Variants in ROBO1 observed in about 807,000 individuals in gnomAD.
ROBO1 encodes roundabout homolog 1.
ROBO1 carries 149 observed loss-of-function variants against 195.9 expected under a neutral mutation model. That is an observed-to-expected ratio of 0.76 (90% CI 0.67 to 0.87). The LOEUF (loss-of-function observed/expected upper bound fraction) is 0.87. Ranked by LOEUF, ROBO1 falls within the 40% of genes least tolerant of loss-of-function variation. The pLI is 0.00. For synonymous variants in ROBO1, 816 were observed against 733.2 expected, an observed-to-expected ratio of 1.11 and a Z score of -1.82; for missense variants, 1,933 against 2,068.3, an observed-to-expected ratio of 0.93 and a Z score of 1.27.
At chr3:78,663,136 C>T (rs181344708) in intron 14 of ROBO1, among the ~76,000 whole-genome samples, 1 of 150,776 alleles carries the variant, frequency 6.6e-6, no homozygotes, top group East Asian at 1.9e-4. Context: ...TCATTAAATA[C>T]CGTCAAACAA....
At position 78,606,846 on chromosome 3, in the gene ROBO1, C is replaced by T. The variant is rs760892507; in HGVS notation, c.4631G>A (p.Arg1544Gln). ...TTCTCTGGGATCACCTGGATTTGTT[C>T]GCATGTCAACAACCTGTCTTCCATC... ...VLDGRQVVDMRTNPGDPREAQ... is the reference protein window; with the variant it reads ...VLDGRQVVDMQTNPGDPREAQ... The change falls in exon 29 of 31, where the codon CGA becomes CAA. Residue 1544 changes from arginine to glutamine, a missense_variant. Transcript: ENST00000464233. The T allele has an allele frequency of 2.0e-5, 33 of 1,613,704 alleles. No individual in the cohort carries two copies. Among genetic ancestry groups the T allele is most frequent in the Admixed American group, 1.0e-4 (6 of 59,966 alleles).
chr3:79,054,105 C>G (rs550835645), intron 3 of ROBO1, among the ~76,000 whole-genome samples: 2 of 152,010 alleles, frequency 1.3e-5, no homozygotes, highest in Admixed American at 1.3e-4. Context: ...AGAGGAGGCC[C>G]GTTTGCAGGC....
intron 1 of ROBO1, among the ~76,000 whole-genome samples, chr3:79,695,815 T>TA (rs574763757): frequency 0.01 from 1,555 of 150,488 alleles, 19 homozygotes; most frequent in Middle Eastern, 0.037. Context: ...ACTGGGAATA[T>TA]AAAAAAAAAG....
intron 2 of ROBO1, among the ~76,000 whole-genome samples, chr3:79,203,803 T>A (rs1453229317): frequency 6.6e-6 from 1 of 152,206 alleles, no homozygotes; most frequent in Non-Finnish European, 1.5e-5. Flanking sequence ...CACTCCGTAG[T>A]TACCGGAATA....
intron 3 of ROBO1, among the ~76,000 whole-genome samples, chr3:79,048,846 C>A (rs2078644060): frequency 6.6e-6 from 1 of 152,066 alleles, no homozygotes; most frequent in South Asian, 2.1e-4. Flanking sequence ...ATACGAATAC[C>A]ATAAACATCA....
At chr3:79,250,735 C>A (rs2082713147) in intron 2 of ROBO1, among the ~76,000 whole-genome samples, 1 of 151,988 alleles carries the variant, frequency 6.6e-6, no homozygotes, top group Non-Finnish European at 1.5e-5. Flanking sequence ...AATATATAAA[C>A]CCTATGGAAT....
chr3:79,349,125 T>C (rs1577007373), intron 2 of ROBO1, among the ~76,000 whole-genome samples: 1 of 152,286 alleles, frequency 6.6e-6, no homozygotes, highest in East Asian at 1.9e-4. Flanking sequence ...ATATCTGTGG[T>C]ATTTTAGGAT....
chr3:79,688,250 A>T (rs1053236122), intron 1 of ROBO1, among the ~76,000 whole-genome samples: 4 of 149,596 alleles, frequency 2.7e-5, no homozygotes, highest in African/African-American at 4.9e-5. Flanking sequence ...GGATAGCATT[A>T]GGAGATATAC....
chr3:78,661,128 A>C lies in ROBO1; in HGVS notation c.2222T>G (p.Leu741Arg). The part of the protein sequence containing the change: ...PAKNSVVIPD[L>R]RKGVNYEIKA... The stretch of plus-strand genomic sequence containing the variant: ...AATTTCATAGTTGACTCCCTTTCTG[A>C]GATCAGGGATTACCACACTGTTTTT... The change falls in exon 16 of 31, where the codon CTC (leucine) becomes CGC (arginine). Residue 741 changes from leucine to arginine, a missense_variant. Leu to Arg is a moderately radical substitution (Grantham distance 102). This residue lies in a region of ROBO1 where 1,737 missense variants were observed against 1,882.5 expected (regional missense o/e 0.92). Transcript: ENST00000464233. 6.2e-7 allele frequency: 1 copy of C among 1,613,632 alleles called. No homozygotes were observed. Among genetic ancestry groups the C allele is most frequent in the Non-Finnish European group, 8.5e-7 (1 of 1,179,796 alleles).
chr3:79,632,533 C>T (rs1945375670), intron 1 of ROBO1, among the ~76,000 whole-genome samples: 1 of 152,122 alleles, frequency 6.6e-6, no homozygotes, highest in Non-Finnish European at 1.5e-5. Context: ...ACAAGTTTCA[C>T]AATTCAGGGG....
At chr3:79,431,635 C>T (rs961194533) in intron 2 of ROBO1, among the ~76,000 whole-genome samples, 4 of 152,092 alleles carry the variant, frequency 2.6e-5, no homozygotes, top group Non-Finnish European at 4.4e-5. Flanking sequence ...AGGATTATTT[C>T]ACATATGTAC....
At chr3:79,721,878 C>G (rs72901781) in intron 1 of ROBO1, among the ~76,000 whole-genome samples, 1,929 of 152,158 alleles carry the variant, frequency 0.013, 35 homozygotes, top group African/African-American at 0.044. Flanking sequence ...AAAAGTAAAG[C>G]CCCCCATTGT....
intron 3 of ROBO1, among the ~76,000 whole-genome samples, chr3:79,110,844 C>T (rs2079873274): frequency 6.6e-6 from 1 of 151,892 alleles, no homozygotes; most frequent in South Asian, 2.1e-4. Context: ...TGCTTAAACT[C>T]CTGGCTTCAA....
At chr3:79,572,796 T>C (rs1943322411) in intron 2 of ROBO1, among the ~76,000 whole-genome samples, 1 of 152,084 alleles carries the variant, frequency 6.6e-6, no homozygotes, top group South Asian at 2.1e-4. Flanking sequence ...TGAAATGTAA[T>C]TTTTGTTTTT....
intron 1 of ROBO1, among the ~76,000 whole-genome samples, chr3:79,593,486 T>G (rs1035713805): frequency 1.3e-5 from 2 of 152,090 alleles, no homozygotes; most frequent in African/African-American, 4.8e-5. Flanking sequence ...TGTTTTAAAT[T>G]TACATGTCCT....
At position 78,695,645 on chromosome 3, in the gene ROBO1, A is replaced by G. The variant is rs947798653; in HGVS notation, c.1046-6873T>C. Among the ~76,000 whole-genome samples, 395 of 89,552 alleles carry G rather than the reference A, an allele frequency of 4.4e-3. 4 individuals carry two copies. The highest frequency in any genetic ancestry group is 0.015 in the African/African-American group (376 of 25,184). The allele number at this position is 89,552 out of a possible 152,430, so 58.7% of individuals were successfully genotyped here. ...TGTCTCAAAAAAAAAAAAAAAAAAG[A>G]AAAGAAAACAGAAAAATATTTTATA... On this transcript the variant is annotated intron_variant, in intron 8 of 30. Coordinates refer to ENST00000464233, the MANE Select transcript of ROBO1 (RefSeq NM_002941.4).
chr3:78,965,849 A>T (rs976432693), intron 3 of ROBO1, among the ~76,000 whole-genome samples: 1 of 152,200 alleles, frequency 6.6e-6, no homozygotes, highest in Non-Finnish European at 1.5e-5. Flanking sequence ...GATGATGAAA[A>T]TGTCCTATTA....
chr3:78,974,517 G>A (rs2076843647), intron 3 of ROBO1, among the ~76,000 whole-genome samples: 1 of 151,854 alleles, frequency 6.6e-6, no homozygotes, highest in African/African-American at 2.4e-5. Flanking sequence ...CTCAATATAC[G>A]AAAAAAAGAA....
At chr3:79,105,839 G>C (rs779461732) in intron 3 of ROBO1, among the ~76,000 whole-genome samples, 3 of 151,732 alleles carry the variant, frequency 2.0e-5, no homozygotes, top group Admixed American at 6.6e-5. Flanking sequence ...TTGGCTACCA[G>C]TTGGTGTTTA....
Sources: gnomAD v4.1 joint callset for allele counts (sites outside exome capture counted in the v4.1 genomes callset) on GRCh38, gnomAD v4.1.1 for gene constraint, gnomAD v4.1.1 regional missense constraint, MANE v1.5 for transcripts, NCBI Gene and HGNC (gene_info 2026-07-23, HGNC 2026-07-21) for gene names.